The following ARHGAP35 variants were observed in gnomAD, a reference collection of about 807,000 sequenced individuals.
The protein encoded by ARHGAP35 is rho GTPase-activating protein 35.
In ARHGAP35, 15 loss-of-function variants were observed where a neutral mutation model predicts 111.1. The observed-to-expected ratio is 0.13, with a 90% CI of 0.09 to 0.21. ARHGAP35 has a LOEUF of 0.21. Among genes scored for constraint, ARHGAP35 ranks in the 10% least tolerant of loss-of-function variants. The pLI, the probability that ARHGAP35 is intolerant of heterozygous loss-of-function variation, is 1.00. For synonymous variants in ARHGAP35, 643 were observed against 710.3 expected, an observed-to-expected ratio of 0.91 and a Z score of 1.51; for missense variants, 1,262 against 1,873.0, an observed-to-expected ratio of 0.67 and a Z score of 6.02.
In ARHGAP35 at chr19:46,920,738, G is replaced by T; in HGVS notation, c.2063G>T (p.Arg688Leu). 6.2e-7 allele frequency: 1 copy of T among 1,611,918 alleles called. No individual in the cohort carries two copies. The highest frequency in any genetic ancestry group is 8.5e-7 in the Non-Finnish European group (1 of 1,178,904). The change falls in exon 2 of 7, where the codon CGG (arginine) becomes CTG (leucine). Residue 688 changes from arginine to leucine, a missense_variant. Transcript: ENST00000672722. The surrounding 1 kb of genome is among the most constrained non-coding windows in gnomAD (Gnocchi z 7.0). ...IEKSRESTLG[R>L]RDNHLVHLPL... ...AAGAGTAGAGAGTCCACGCTGGGCC[G>T]GCGGGATAATCATTTAGTCCATCTC...
chr19:46,975,426 G>A (rs1397150400), intron 3 of ARHGAP35, among the ~76,000 whole-genome samples: 1 of 152,102 alleles, frequency 6.6e-6, no homozygotes, highest in Non-Finnish European at 1.5e-5. Flanking sequence ...CCCAGCCTGG[G>A]GCTGGGAGCT....
At chr19:46,887,789 T>TA (rs1016270143) in intron 1 of ARHGAP35, among the ~76,000 whole-genome samples, 2 of 151,988 alleles carry the variant, frequency 1.3e-5, no homozygotes, top group African/African-American at 4.8e-5. Flanking sequence ...AAAGATCACC[T>TA]AAAAAACAAA....
intron 1 of ARHGAP35, among the ~76,000 whole-genome samples, chr19:46,867,105 C>G (rs751291337): frequency 1.7e-4 from 26 of 152,216 alleles, no homozygotes; most frequent in Non-Finnish European, 3.2e-4. Context: ...ATTTGCTTCT[C>G]TGATACTGAG....
At position 46,921,774 on chromosome 19, in the gene ARHGAP35, G is replaced by A. The variant is rs1159810935; in HGVS notation, c.3099G>A (p.Leu1033=). 3 of 1,613,978 alleles carry A rather than the reference G, an allele frequency of 1.9e-6. No homozygotes were observed. Among genetic ancestry groups the A allele is most frequent in the Non-Finnish European group, 2.5e-6 (3 of 1,179,886 alleles). ...SFIMSNFESK[L]NNKVPPPVKP... ...TTATGAGCAATTTTGAGAGTAAACT[G>A]AACAACAAAGTACCTCCGCCAGTCA... is the stretch of plus-strand genomic sequence containing the variant. The change falls in exon 2 of 7, where the codon CTG becomes CTA. Residue 1033 remains leucine, a synonymous_variant. Coordinates refer to ENST00000672722, the MANE Select transcript of ARHGAP35 (RefSeq NM_004491.5). This position sits in a 1 kb window ranked among gnomAD's most constrained non-coding sequence, Gnocchi z 4.3.
chr19:46,981,511 C>T (rs192047844), intron 3 of ARHGAP35, among the ~76,000 whole-genome samples: 11 of 152,314 alleles, frequency 7.2e-5, no homozygotes, highest in African/African-American at 1.9e-4. Flanking sequence ...CGAAGCCTGA[C>T]GCTGGCCGAC....
intron 1 of ARHGAP35, among the ~76,000 whole-genome samples, chr19:46,902,945 T>C (rs1340230764): frequency 2.0e-5 from 3 of 152,182 alleles, no homozygotes; most frequent in African/African-American, 4.8e-5. Flanking sequence ...TTGGTGTGTA[T>C]GATATCGCAT....
intron 1 of ARHGAP35, among the ~76,000 whole-genome samples, chr19:46,874,473 C>T (rs371787529): frequency 3.3e-5 from 5 of 149,674 alleles, no homozygotes; most frequent in Non-Finnish European, 7.4e-5. Context: ...TTAAAGAAAA[C>T]GATCCAAGCT....
Position 46,979,703 on chromosome 19 carries a change from G to A in ARHGAP35, c.3827-8286G>A, listed in dbSNP as rs575605097. Among the ~76,000 whole-genome samples the A allele has an allele frequency of 3.9e-5, 6 of 152,284 alleles. No individual in the cohort carries two copies. In the South Asian group the frequency reaches 6.2e-4, roughly 16 times the overall value. On this transcript the variant is annotated intron_variant, in intron 3 of 6. Transcript: ENST00000672722. ...TTTATGACATGGCCGTGTGCGCATC[G>A]CTGGCATCGGGAATGTATAAAGCCA...
chr19:46,883,491 C>T (rs939594910), intron 1 of ARHGAP35, among the ~76,000 whole-genome samples: 3 of 152,086 alleles, frequency 2.0e-5, no homozygotes, highest in African/African-American at 4.8e-5. Flanking sequence ...TTCAACTCGC[C>T]GTCTTATATT....
Position 47,001,740 on chromosome 19 carries a change from G to A in ARHGAP35, c.*1052G>A. The A allele has an allele frequency of 9.7e-6, 3 of 310,510 alleles. No individual in the cohort carries two copies. Among genetic ancestry groups the A allele is most frequent in the South Asian group, 8.8e-5 (3 of 34,006 alleles). 19.2% of individuals were successfully genotyped at this position (310,510 alleles called of 1,614,324 possible). Reference sequence around the variant, plus strand: ...TTGAGCATGTGCGTGGGGTGGGGGTGTGTGTGCACATGTGAGTGTGAGTGT... The same window carrying A: ...TTGAGCATGTGCGTGGGGTGGGGGTATGTGTGCACATGTGAGTGTGAGTGT... On this transcript the variant is annotated 3_prime_UTR_variant, in exon 7 of 7. Transcript: ENST00000672722. This position sits in a 1 kb window ranked among gnomAD's most constrained non-coding sequence, Gnocchi z 5.4.
intron 1 of ARHGAP35, among the ~76,000 whole-genome samples, chr19:46,893,868 C>A (rs372092299): frequency 2.8e-5 from 4 of 143,688 alleles, no homozygotes; most frequent in African/African-American, 1.0e-4. Flanking sequence ...AACATAAGTT[C>A]GTTCGTTCGT....
intron 1 of ARHGAP35, among the ~76,000 whole-genome samples, 85 bp downstream of exon 1, chr19:46,861,294 G>A (rs1041638188): frequency 2.0e-5 from 3 of 150,686 alleles, no homozygotes; most frequent in African/African-American, 7.3e-5. Context: ...GGACGGCGGG[G>A]CCCGGAGCCC....
chr19:46,867,778 T>A (rs944978661), intron 1 of ARHGAP35, among the ~76,000 whole-genome samples: 1 of 151,280 alleles, frequency 6.6e-6, no homozygotes, highest in African/African-American at 2.4e-5. Context: ...TTGTTGTTGT[T>A]TTTTTTTTGG....
intron 3 of ARHGAP35, among the ~76,000 whole-genome samples, chr19:46,946,052 A>G (rs1363741019): frequency 5.9e-5 from 9 of 152,226 alleles, no homozygotes; most frequent in Non-Finnish European, 1.3e-4. Context: ...AAACTATTCT[A>G]TATAAATAAC....
chr19:46,898,881 C>T (rs1486794949), intron 1 of ARHGAP35, among the ~76,000 whole-genome samples: 1 of 152,058 alleles, frequency 6.6e-6, no homozygotes, highest in Non-Finnish European at 1.5e-5. Context: ...CTGGAACCTG[C>T]GGTGTGTGTA....
chr19:47,003,178 T>A lies in ARHGAP35; in HGVS notation c.*2490T>A, dbSNP rs2056757389. 6.6e-6 allele frequency: 1 copy of A among 152,346 alleles called. No homozygotes were observed. Among genetic ancestry groups the A allele is most frequent in the African/African-American group, 2.4e-5 (1 of 41,456 alleles). 9.4% of individuals were successfully genotyped at this position (152,346 alleles called of 1,614,324 possible). On this transcript the variant is annotated 3_prime_UTR_variant, in exon 7 of 7. Coordinates refer to ENST00000672722, the MANE Select transcript of ARHGAP35 (RefSeq NM_004491.5). ...AGTCGTGGCAGGCCGGCCTTCAGCG[T>A]CCGGTCAGGGAAGCGTGCAGCCCAA... is the stretch of plus-strand genomic sequence containing the variant.
chr19:46,942,815 CAGAAAAAAAAAA>C (rs2056356622), intron 3 of ARHGAP35, among the ~76,000 whole-genome samples: 2 of 42,290 alleles, frequency 4.7e-5, no homozygotes, highest in African/African-American at 2.0e-4. Flanking sequence ...GACCCTGTCT[CAGAAAAAAAAAA>C]AAAAAAAAAA....
In ARHGAP35 at chr19:46,861,191, C is replaced by T. The variant is rs1026232470; in HGVS notation, c.-207C>T. 1.5e-4 allele frequency among the ~76,000 whole-genome samples: 23 copies of T among 151,652 alleles called. No homozygotes were observed. The highest frequency in any genetic ancestry group is 5.1e-4 in the African/African-American group (21 of 41,466). ...GCCGGGATTTTGGAGGCCGGGGCCG[C>T]GCTGAGGGCGCCCAGCTGGTGAGTG... On this transcript the variant is annotated 5_prime_UTR_variant, in exon 1 of 7. Transcript: ENST00000672722.
chr19:47,001,435 T>C lies in ARHGAP35; in HGVS notation c.*747T>C. 7.9e-7 allele frequency: 1 copy of C among 1,262,470 alleles called. No homozygotes were observed. The highest frequency in any genetic ancestry group is 1.2e-5 in the South Asian group (1 of 80,432). The allele number at this position is 1,262,470 out of a possible 1,614,324, so 78.2% of individuals were successfully genotyped here. A position where few individuals can be genotyped will look rare whatever the true frequency, so the allele number is the denominator to read the frequency against. On this transcript the variant is annotated 3_prime_UTR_variant, in exon 7 of 7. Transcript: ENST00000672722. This position sits in a 1 kb window ranked among gnomAD's most constrained non-coding sequence, Gnocchi z 5.4. Reference sequence around the variant, plus strand: ...AAGGAAGAAACCACAGAAAGAAAACTACAGACCTCAAGATTCCACTCTGTG... The same window carrying C: ...AAGGAAGAAACCACAGAAAGAAAACCACAGACCTCAAGATTCCACTCTGTG...
Sources: allele counts gnomAD v4.1 joint callset (sites outside exome capture counted in the v4.1 genomes callset), GRCh38; gene constraint gnomAD v4.1.1; non-coding constraint Gnocchi (gnomAD v3.1); transcripts MANE v1.5; gene names NCBI Gene and HGNC (gene_info 2026-07-23, HGNC 2026-07-21).